The following DNASE1 variants were observed in gnomAD, a reference collection of about 807,000 sequenced individuals.
DNASE1 encodes deoxyribonuclease-1.
A neutral mutation model predicts 33.9 loss-of-function variants in DNASE1; 40 were observed. That is an observed-to-expected ratio of 1.18 (90% CI 0.92 to 1.54). DNASE1 has a LOEUF of 1.54. Among genes scored for constraint, DNASE1 ranks in the 40% most tolerant of loss-of-function variants. The pLI is 0.00. For missense variants in DNASE1, 518 were observed against 372.6 expected (o/e 1.39, Z -3.21); for synonymous variants, 216 against 160.0 (o/e 1.35, Z -2.64).
At position 3,629,534 on chromosome 16, in the gene DNASE1, C is replaced by G. The variant is rs138121636; in HGVS notation, c.-1358-11181C>G. 2.2e-4 allele frequency among the ~76,000 whole-genome samples: 33 copies of G among 152,168 alleles called. No homozygotes were observed. In the East Asian group the frequency reaches 6.2e-3, roughly 28 times the overall value. On this transcript the variant is annotated intron_variant and NMD_transcript_variant, in intron 1 of 11. Coordinates refer to the DNASE1 transcript ENST00000570769. ...ATCATTGTGCATAAGGGATATTAGTCTGTGGTTTTATTTTATTGAATGCCT... is the reference window on the plus strand; with the variant it reads ...ATCATTGTGCATAAGGGATATTAGTGTGTGGTTTTATTTTATTGAATGCCT...
rs962307104 is a variant in DNASE1 at position 3,657,997 on chromosome 16, C to T, written c.*44C>T. On this transcript the variant is annotated 3_prime_UTR_variant, in exon 9 of 9. Transcript: ENST00000246949. Reference sequence around the variant, plus strand: ...AGTTGAACTGCAGGAAGAGAGGACCCATCCTGCCACAGGACCCAGAAAAAA... The same window carrying T: ...AGTTGAACTGCAGGAAGAGAGGACCTATCCTGCCACAGGACCCAGAAAAAA... 4 of 1,611,940 alleles carry T rather than the reference C, an allele frequency of 2.5e-6. No individual in the cohort carries two copies. The highest frequency in any genetic ancestry group is 2.2e-5 in the South Asian group (2 of 90,934).
intron 1 of DNASE1, among the ~76,000 whole-genome samples, chr16:3,612,643 A>G (rs569954826): frequency 2.8e-4 from 41 of 148,950 alleles, no homozygotes; most frequent in African/African-American, 1.0e-3. Flanking sequence ...CCCTGGCCGC[A>G]AGAGATCCTC....
At chr16:3,641,414 C>G (rs532273430), upstream of DNASE1, among the ~76,000 whole-genome samples, 2 of 152,330 alleles carry the variant, frequency 1.3e-5, no homozygotes, top group East Asian at 3.9e-4. Context: ...CTGTCTGCCC[C>G]CGCTCAAGGG....
At chr16:3,641,655 C>T (rs182403727), upstream of DNASE1, among the ~76,000 whole-genome samples, 49 of 152,312 alleles carry the variant, frequency 3.2e-4, 1 homozygote, top group African/African-American at 1.1e-3. Context: ...GCACGTGTCG[C>T]GGCCCCCAGA....
intron 1 of DNASE1, among the ~76,000 whole-genome samples, chr16:3,644,284 C>T (rs886347878): frequency 1.3e-5 from 2 of 151,480 alleles, no homozygotes; most frequent in Admixed American, 6.6e-5. Flanking sequence ...AAAATTAGGC[C>T]GGGTGCAGTG....
At chr16:3,641,191 C>T (rs1459191131), upstream of DNASE1, 1 of 378,196 alleles carries the variant, frequency 2.6e-6, no homozygotes, top group Non-Finnish European at 4.7e-6. Flanking sequence ...GCAGCCACCC[C>T]TCCATGTGGG....
chr16:3,627,039 ATT>A (rs1203260520), intron 1 of DNASE1, among the ~76,000 whole-genome samples: 8 of 137,938 alleles, frequency 5.8e-5, no homozygotes, highest in Admixed American at 7.3e-5. Context: ...GCTTATTTAA[ATT>A]TTTTTTTTTT....
upstream of DNASE1, chr16:3,654,394 G>A (rs184248735): frequency 2.0e-5 from 8 of 398,610 alleles, no homozygotes; most frequent in South Asian, 1.3e-4. Context: ...ACCTGATGGC[G>A]ATGAATCAGG....
intron 7 of DNASE1, 114 bp from the exon 8 acceptor site, chr16:3,657,606 G>A: frequency 6.9e-7 from 1 of 1,448,336 alleles, no homozygotes; most frequent in Non-Finnish European, 9.4e-7. Flanking sequence ...GCAGTTTTGG[G>A]CACCCACAGA....
intron 5 of DNASE1, 31 bp from the exon 6 acceptor site, chr16:3,656,968 T>C (rs1465576847): frequency 1.2e-6 from 2 of 1,608,436 alleles, no homozygotes; most frequent in Non-Finnish European, 1.7e-6. Flanking sequence ...CCCCAGGGAG[T>C]GTGCCTCACA....
upstream of DNASE1, chr16:3,640,964 C>A (rs1287005005): frequency 2.5e-6 from 1 of 398,666 alleles, no homozygotes; most frequent in African/African-American, 2.1e-5. Context: ...CTCCAGTGGA[C>A]TTTGGACAGT....
upstream of DNASE1, among the ~76,000 whole-genome samples, chr16:3,642,193 T>C (rs1449756121): frequency 6.6e-6 from 1 of 152,208 alleles, no homozygotes; most frequent in South Asian, 2.1e-4. Context: ...GCTTGGGGCC[T>C]CTTTGCGTGG....
chr16:3,664,077 C>T (rs1177719377), exon 10 of DNASE1: 2 of 585,928 alleles, frequency 3.4e-6, no homozygotes, highest in Admixed American at 3.7e-5. Flanking sequence ...AAACAAAAAA[C>T]AAACAAAAAA....
At chr16:3,633,501 G>T (rs1049349430) in intron 1 of DNASE1, among the ~76,000 whole-genome samples, 1 of 151,832 alleles carries the variant, frequency 6.6e-6, no homozygotes, top group Admixed American at 6.6e-5. Context: ...CCAGCTACTC[G>T]GGAGGCTGAG....
At position 3,655,061 on chromosome 16, in the gene DNASE1, G is replaced by A. The variant is rs1041121459; in HGVS notation, c.-2+17G>A. 1.7e-6 allele frequency: 1 copy of A among 578,834 alleles called. No individual in the cohort carries two copies. Among genetic ancestry groups the A allele is most frequent in the East Asian group, 2.8e-5 (1 of 35,374 alleles). The allele number at this position is 578,834 out of a possible 1,614,324, so 35.9% of individuals were successfully genotyped here. ...TCATCTCAGGTGAGCACCAGGTGGA[G>A]TGCCTCTGGGTGACTGGCCGGTTTG... On this transcript the variant is annotated intron_variant, in intron 1 of 8. Transcript: ENST00000246949.
chr16:3,656,611 ACCT>A (rs747992967), intron 4 of DNASE1, 24 bp from the exon 5 acceptor site: 13 of 1,583,930 alleles, frequency 8.2e-6, no homozygotes, highest in South Asian at 2.3e-5. Flanking sequence ...GCCTGGGGTC[ACCT>A]CCTCCTGCCC....
At chr16:3,658,378 C>CCAAAGT (rs1471066665), downstream of DNASE1, 1 of 679,392 alleles carries the variant, frequency 1.5e-6, no homozygotes, top group African/African-American at 1.8e-5. Flanking sequence ...CCCCCGCCTC[C>CCAAAGT]CAAAGTGCTG....
downstream of DNASE1, chr16:3,658,172 C>T (rs376064675): frequency 3.1e-6 from 5 of 1,613,964 alleles, no homozygotes; most frequent in Admixed American, 1.7e-5. Flanking sequence ...ATTCAAGCGG[C>T]CCACCATGGC....
At chr16:3,627,842 G>A (rs1374978543) in intron 1 of DNASE1, among the ~76,000 whole-genome samples, 1 of 148,750 alleles carries the variant, frequency 6.7e-6, no homozygotes, top group East Asian at 2.0e-4. Flanking sequence ...CAGGAAGTGT[G>A]AATCCTGAAT....
Sources: allele counts gnomAD v4.1 joint callset (sites outside exome capture counted in the v4.1 genomes callset), GRCh38; gene constraint gnomAD v4.1.1; transcripts MANE v1.5; gene names NCBI Gene and HGNC (gene_info 2026-07-23, HGNC 2026-07-21).